Variants in WRNIP1 observed in about 807,000 individuals in gnomAD.
WRNIP1 encodes the protein WRN helicase interacting protein 1.
Under a neutral mutation model 56.1 loss-of-function variants are expected in WRNIP1, and 41 were observed. The observed-to-expected ratio is 0.73, with a 90% CI of 0.57 to 0.95. WRNIP1 has a LOEUF of 0.95. Among genes scored for constraint, WRNIP1 ranks in the 40% least tolerant of loss-of-function variants. The pLI is 0.00. For synonymous variants in WRNIP1, 547 were observed against 398.1 expected, an observed-to-expected ratio of 1.37 and a Z score of -4.45; for missense variants, 1,170 against 939.4, an observed-to-expected ratio of 1.25 and a Z score of -3.21.
At chr6:2,784,445 C>G (rs1418007673) in intron 6 of WRNIP1, 42 bp downstream of exon 6, 1 of 1,584,464 alleles carries the variant, frequency 6.3e-7, no homozygotes. Flanking sequence ...CTTCTTTTCT[C>G]TCTCGTGCTC....
chr6:2,784,962 G>A lies in WRNIP1; in HGVS notation c.1723-45G>A, dbSNP rs768321734. 2.5e-6 allele frequency: 4 copies of A among 1,605,878 alleles called. No homozygotes were observed. In the Admixed American group the frequency reaches 6.7e-5, roughly 27 times the overall value. On this transcript the variant is annotated intron_variant, in intron 6 of 6. Transcript: ENST00000380773. ...TCAGAAGGGGCTCTGCAGAACAGAA[G>A]CTTGGCATCTTGCTAGTAAAATGTG...
intron 4 of WRNIP1, among the ~76,000 whole-genome samples, chr6:2,780,487 A>C (rs1374093234): frequency 6.6e-6 from 1 of 152,188 alleles, no homozygotes; most frequent in African/African-American, 2.4e-5. Flanking sequence ...AGGGGTGTTC[A>C]TTAGTGCTAA....
At chr6:2,778,462 C>T (rs1181557519) in intron 3 of WRNIP1, among the ~76,000 whole-genome samples, 2 of 152,168 alleles carry the variant, frequency 1.3e-5, no homozygotes, top group African/African-American at 2.4e-5. Flanking sequence ...ATAGTTAGAT[C>T]TTATTTATGA....
chr6:2,772,597 T>A (rs1300835523), intron 3 of WRNIP1, among the ~76,000 whole-genome samples: 3 of 152,242 alleles, frequency 2.0e-5, no homozygotes, highest in Non-Finnish European at 2.9e-5. Flanking sequence ...TATTGCCCTT[T>A]TCATCAGCAG....
Position 2,785,342 on chromosome 6 carries a change from T to A in WRNIP1, c.*60T>A, listed in dbSNP as rs1189897272. 4 of 1,572,396 alleles carry A rather than the reference T, an allele frequency of 2.5e-6. No homozygotes were observed. In the South Asian group the frequency reaches 3.5e-5, roughly 14 times the overall value. On this transcript the variant is annotated 3_prime_UTR_variant, in exon 7 of 7. Transcript: ENST00000380773. Reference sequence around the variant, plus strand: ...TTTTAAGGGAGGGCCAGAAAGAAAGTTAGTGGATTGCAAAGTTGGTTGCCT... The same window carrying A: ...TTTTAAGGGAGGGCCAGAAAGAAAGATAGTGGATTGCAAAGTTGGTTGCCT...
intron 1 of WRNIP1, 64 bp from the exon 2 acceptor site, chr6:2,768,627 C>T (rs1333991430): frequency 7.1e-7 from 1 of 1,405,596 alleles, no homozygotes; most frequent in African/African-American, 1.4e-5. Context: ...TGGTGGTTCC[C>T]ATGGGTGCTG....
chr6:2,774,483 G>A (rs1765386405), intron 3 of WRNIP1, among the ~76,000 whole-genome samples: 1 of 152,210 alleles, frequency 6.6e-6, no homozygotes, highest in African/African-American at 2.4e-5. Flanking sequence ...CTTCTTCTCT[G>A]TGTCCTTACG....
At chr6:2,776,159 T>C (rs1433130189) in intron 3 of WRNIP1, among the ~76,000 whole-genome samples, 1 of 152,252 alleles carries the variant, frequency 6.6e-6, no homozygotes, top group African/African-American at 2.4e-5. Context: ...AGTTCTCTCA[T>C]GGGCTTCCCA....
At chr6:2,774,328 C>T in intron 3 of WRNIP1, 1 of 961,162 alleles carries the variant, frequency 1.0e-6, no homozygotes, top group Non-Finnish European at 1.2e-6. Context: ...GAACACAGAG[C>T]TTTATCCTCA....
In WRNIP1 at chr6:2,770,267, A is replaced by G. The variant is rs747499632; in HGVS notation, c.1162A>G (p.Ile388Val). 1.9e-6 allele frequency: 3 copies of G among 1,614,056 alleles called. No homozygotes were observed. The highest frequency in any genetic ancestry group is 2.2e-5 in the East Asian group (1 of 44,892). Residue 388 changes from isoleucine to valine, a missense_variant, in exon 3 of 7, where the codon ATT becomes GTT. Transcript: ENST00000380773. ...GCTTCCAGTAGAGGCAATGGTGACT[A>G]TTTTAATGCGAGCGATCAACTCCCT... ...EKLPVEAMVT[I>V]LMRAINSLGI...
chr6:2,770,712 AATAG>A (rs1237934333), intron 3 of WRNIP1, among the ~76,000 whole-genome samples: 10 of 152,350 alleles, frequency 6.6e-5, no homozygotes, highest in South Asian at 2.1e-4. Flanking sequence ...GAATAGAACA[AATAG>A]ATAGATAAAT....
At position 2,765,450 on chromosome 6, in the gene WRNIP1, G is replaced by A; in HGVS notation, c.-173G>A. 1 of 755,202 alleles carries A rather than the reference G, an allele frequency of 1.3e-6. No individual in the cohort carries two copies. The highest frequency in any genetic ancestry group is 1.8e-6 in the Non-Finnish European group (1 of 564,260). 46.8% of individuals were successfully genotyped at this position (755,202 alleles called of 1,614,324 possible). On this transcript the variant is annotated 5_prime_UTR_variant, in exon 1 of 7. Coordinates refer to ENST00000380773, the MANE Select transcript of WRNIP1 (RefSeq NM_020135.3). ...AGCGGCCGGCCGAGGGCGGGCGGAC[G>A]CGGGAGCTGCGGACGTGAGGCATGA...
At chr6:2,767,806 C>T (rs1345836981) in intron 1 of WRNIP1, among the ~76,000 whole-genome samples, 1 of 152,178 alleles carries the variant, frequency 6.6e-6, no homozygotes, top group East Asian at 1.9e-4. Context: ...GTCCAGGCTG[C>T]TCAGTGAGAT....
rs769106510 is a variant in WRNIP1 at position 2,770,203 on chromosome 6, T to C, written c.1098T>C (p.Ala366=). ...AAAACCCTTCCTTCCAGGTCAACGC[T>C]GCTCTTCTGAGCCGCTGTCGAGTGA... ...TTENPSFQVN[A]ALLSRCRVIV... Residue 366 remains alanine (A), a synonymous_variant, in exon 3 of 7, where the codon GCT becomes GCC. Coordinates refer to ENST00000380773, the MANE Select transcript of WRNIP1 (RefSeq NM_020135.3). 25 of 1,614,102 alleles carry C rather than the reference T, an allele frequency of 1.5e-5. No homozygotes were observed. The highest frequency in any genetic ancestry group is 1.9e-5 in the Non-Finnish European group (23 of 1,180,038).
Position 2,765,616 on chromosome 6 carries a change from G to C in WRNIP1, c.-7G>C. On this transcript the variant is annotated 5_prime_UTR_variant, in exon 1 of 7. Transcript: ENST00000380773. Reference sequence around the variant, plus strand: ...CGCGCCGGGCGCCGGGGAGGGCGGCGGCCGCCATGGAGGTGAGCGGGCCGG... The same window carrying C: ...CGCGCCGGGCGCCGGGGAGGGCGGCCGCCGCCATGGAGGTGAGCGGGCCGG... The C allele has an allele frequency of 6.6e-7, 1 of 1,514,704 alleles. No individual in the cohort carries two copies. The highest frequency in any genetic ancestry group is 8.8e-7 in the Non-Finnish European group (1 of 1,139,918). The allele number at this position is 1,514,704 out of a possible 1,614,324, so 93.8% of individuals were successfully genotyped here. A position where few individuals can be genotyped will look rare whatever the true frequency, so the allele number is the denominator to read the frequency against.
intron 1 of WRNIP1, among the ~76,000 whole-genome samples, chr6:2,766,680 A>G (rs1208945633): frequency 1.3e-5 from 2 of 152,116 alleles, no homozygotes; most frequent in Non-Finnish European, 2.9e-5. Context: ...TTGCAAAAGG[A>G]CGATGTCTGT....
Position 2,786,713 on chromosome 6 carries a change from C to T in WRNIP1, c.*1431C>T, listed in dbSNP as rs1463646028. 6.6e-6 allele frequency: 1 copy of T among 152,182 alleles called. No individual in the cohort carries two copies. The highest frequency in any genetic ancestry group is 1.5e-5 in the Non-Finnish European group (1 of 68,030). 9.4% of individuals were successfully genotyped at this position (152,182 alleles called of 1,614,324 possible). On this transcript the variant is annotated 3_prime_UTR_variant, in exon 7 of 7. Transcript: ENST00000380773. Reference sequence around the variant, plus strand: ...GAAATTACTTGTGCATTGTTTTACACTTTCCCACATTGTTGTCAAGTTTGA... The same window carrying T: ...GAAATTACTTGTGCATTGTTTTACATTTTCCCACATTGTTGTCAAGTTTGA...
chr6:2,775,036 A>G (rs757069188), intron 3 of WRNIP1, among the ~76,000 whole-genome samples: 5 of 152,082 alleles, frequency 3.3e-5, no homozygotes, highest in East Asian at 1.9e-4. Context: ...ATTACCTCCT[A>G]TTTACTAGAT....
intron 5 of WRNIP1, among the ~76,000 whole-genome samples, chr6:2,783,929 A>C (rs1234618748): frequency 6.6e-6 from 1 of 152,158 alleles, no homozygotes; most frequent in East Asian, 1.9e-4. Context: ...CCCAAGGTAG[A>C]AATGGAAGAC....
Sources: allele counts gnomAD v4.1 joint callset (sites outside exome capture counted in the v4.1 genomes callset), GRCh38; gene constraint gnomAD v4.1.1; transcripts MANE v1.5; gene names NCBI Gene and HGNC (gene_info 2026-07-23, HGNC 2026-07-21).